PREX1: variants seen among roughly 807,000 people sequenced by gnomAD.
PREX1 encodes the protein phosphatidylinositol-3,4,5-trisphosphate dependent Rac exchange factor 1, also known as phosphatidylinositol 3,4,5-trisphosphate-dependent Rac exchanger 1 protein.
In PREX1, 41 loss-of-function variants were observed where a neutral mutation model predicts 198.3. The ratio of observed to expected loss-of-function variants is 0.21; its 90% CI spans 0.16 to 0.27. PREX1 has a LOEUF of 0.27. Among genes scored for constraint, PREX1 ranks in the 10% least tolerant of loss-of-function variants. PREX1 has a pLI of 1.00. For synonymous variants in PREX1, 843 were observed against 887.2 expected (o/e 0.95, Z 0.89); for missense variants, 1,620 against 2,200.7 (o/e 0.74, Z 5.28).
At chr20:48,798,353 C>T (rs1269137768) in intron 1 of PREX1, among the ~76,000 whole-genome samples, 9 of 152,224 alleles carry the variant, frequency 5.9e-5, no homozygotes, top group Admixed American at 1.3e-4. Flanking sequence ...CTTGCTGCTC[C>T]TACGGTCCAG....
At chr20:48,730,077 AG>A (rs2090028039) in intron 4 of PREX1, among the ~76,000 whole-genome samples, 1 of 152,108 alleles carries the variant, frequency 6.6e-6, no homozygotes, top group South Asian at 2.1e-4. Context: ...GAGCCCCAGG[AG>A]GGAGCACCCA....
At chr20:48,882,890 T>G in the PREX1 span, among the ~76,000 whole-genome samples, 2 of 151,568 alleles carry the variant, frequency 1.3e-5, no homozygotes, top group Admixed American at 1.3e-4. Context: ...TTTAAAGGAG[T>G]GTCTATTCAA....
intron 1 of PREX1, among the ~76,000 whole-genome samples, chr20:48,765,843 A>T (rs1326347122): frequency 2.6e-5 from 4 of 152,212 alleles, no homozygotes; most frequent in Admixed American, 2.6e-4. Flanking sequence ...GCCACACAGC[A>T]GGAGGTGAGC....
chr20:48,674,507 A>G (rs2089695655), intron 14 of PREX1, among the ~76,000 whole-genome samples: 1 of 152,222 alleles, frequency 6.6e-6, no homozygotes, highest in African/African-American at 2.4e-5. Flanking sequence ...CATCTTTGGG[A>G]GCCAATGTGT....
chr20:48,647,932 G>C (rs1011761733), intron 25 of PREX1, among the ~76,000 whole-genome samples: 1 of 152,138 alleles, frequency 6.6e-6, no homozygotes, highest in African/African-American at 2.4e-5. Flanking sequence ...TTGAGACAGG[G>C]TCTCGTTCTT....
At chr20:48,653,882 G>A (rs536478755) in intron 19 of PREX1, among the ~76,000 whole-genome samples, 196 of 152,380 alleles carry the variant, frequency 1.3e-3, no homozygotes, top group South Asian at 4.3e-3. Context: ...CGAATGGCCA[G>A]AAGCCAGGAT....
intron 35 of PREX1, among the ~76,000 whole-genome samples, 187 bp from the exon 36 acceptor site, chr20:48,630,981 A>G (rs1389125641): frequency 1.3e-5 from 2 of 151,968 alleles, no homozygotes; most frequent in African/African-American, 2.4e-5. Flanking sequence ...CGGGGGGGAA[A>G]GAGGGGCCTC....
chr20:48,648,263 C>T lies in PREX1; in HGVS notation c.3305+1037G>A, dbSNP rs543937598. ...CACGTAATTCCACCACACCTACTTCCGCAGGTGTCTCTAATACATACAGAC... is the reference window on the plus strand; with the variant it reads ...CACGTAATTCCACCACACCTACTTCTGCAGGTGTCTCTAATACATACAGAC... On this transcript the variant is annotated intron_variant, in intron 25 of 39. Transcript: ENST00000371941. Among the ~76,000 whole-genome samples, 6 of 152,210 alleles carry T rather than the reference C, an allele frequency of 3.9e-5. No individual in the cohort carries two copies. In the South Asian group the frequency reaches 6.2e-4, roughly 16 times the overall value.
chr20:48,706,272 C>T (rs1444119285), intron 6 of PREX1, among the ~76,000 whole-genome samples: 1 of 152,170 alleles, frequency 6.6e-6, no homozygotes, highest in Non-Finnish European at 1.5e-5. Flanking sequence ...TCCTTTGGGG[C>T]CCATGTGAGA....
At chr20:48,835,176 G>A in the PREX1 span, among the ~76,000 whole-genome samples, 1 of 152,226 alleles carries the variant, frequency 6.6e-6, no homozygotes, top group East Asian at 1.9e-4. Context: ...TTGCAGGTGG[G>A]CTGTGGGAAT....
In PREX1 at chr20:48,756,481, T is replaced by A. The variant is rs890995560; in HGVS notation, c.220-8601A>T. ...TGGGAAGAGATAGCTTTTTTTTTTT[T>A]ACAAAGTCAGACTTACTACTCCTTT... On this transcript the variant is annotated intron_variant, in intron 1 of 39. Coordinates refer to ENST00000371941, the MANE Select transcript of PREX1 (RefSeq NM_020820.4). Among the ~76,000 whole-genome samples the A allele has an allele frequency of 7.9e-5, 12 of 152,056 alleles. No individual in the cohort carries two copies. In the East Asian group the frequency reaches 1.7e-3, roughly 22 times the overall value.
intron 6 of PREX1, among the ~76,000 whole-genome samples, chr20:48,701,506 G>T (rs148156842): frequency 1.3e-5 from 2 of 152,140 alleles, no homozygotes; most frequent in African/African-American, 2.4e-5. Flanking sequence ...GAGCCACCAC[G>T]CCTGGCCTCG....
intron 18 of PREX1, among the ~76,000 whole-genome samples, chr20:48,656,253 A>AG (rs1176263737): frequency 2.0e-5 from 3 of 152,088 alleles, no homozygotes; most frequent in African/African-American, 7.2e-5. Flanking sequence ...ACCTACCCCT[A>AG]GCACGGGTCT....
At chr20:48,826,585 G>C (rs1163447095) in intron 1 of PREX1, among the ~76,000 whole-genome samples, 2 of 152,344 alleles carry the variant, frequency 1.3e-5, no homozygotes, top group Non-Finnish European at 2.9e-5. Flanking sequence ...GCAGGACCCA[G>C]TAGCTCACGC....
At chr20:48,652,852 T>A in intron 20 of PREX1, 146 bp from the exon 21 acceptor site, 2 of 987,980 alleles carry the variant, frequency 2.0e-6, no homozygotes, top group South Asian at 1.7e-5. Context: ...GTGCACAGTC[T>A]ATGCTCCATA....
intron 6 of PREX1, among the ~76,000 whole-genome samples, chr20:48,707,897 C>T (rs1444513823): frequency 6.6e-6 from 1 of 152,054 alleles, no homozygotes; most frequent in African/African-American, 2.4e-5. Context: ...CTGGAGTGGA[C>T]ACTAGAACCC....
chr20:48,664,426 G>C (rs985877692), intron 15 of PREX1, among the ~76,000 whole-genome samples: 1 of 152,034 alleles, frequency 6.6e-6, no homozygotes. Context: ...TGATGACGGG[G>C]AGGAGCTATT....
chr20:48,722,924 G>T (rs924789986), intron 5 of PREX1, among the ~76,000 whole-genome samples: 1 of 152,246 alleles, frequency 6.6e-6, no homozygotes, highest in Non-Finnish European at 1.5e-5. Flanking sequence ...TAACTAAGAA[G>T]ATCAGTGACA....
rs148886308 is a variant in PREX1, at chr20:48,762,026, G to A, written c.220-14146C>T. 1.5e-3 allele frequency among the ~76,000 whole-genome samples: 221 copies of A among 152,268 alleles called. 2 individuals carry two copies. The highest frequency in any genetic ancestry group is 4.9e-3 in the African/African-American group (203 of 41,556). On this transcript the variant is annotated intron_variant, in intron 1 of 39. Transcript: ENST00000371941. ...TTCCCACCACCCAACCCACTGCTGC[G>A]CCCTGTGAACACCTGAGTGTGAGAC...
Sources: allele counts gnomAD v4.1 joint callset (sites outside exome capture counted in the v4.1 genomes callset), GRCh38; gene constraint gnomAD v4.1.1; transcripts MANE v1.5; gene names NCBI Gene and HGNC (gene_info 2026-07-23, HGNC 2026-07-21).